MAP3K2: variants seen among roughly 807,000 people sequenced by gnomAD.
MAP3K2 encodes mitogen-activated protein kinase kinase kinase 2, also known as MAP/ERK kinase kinase 2.
A neutral mutation model predicts 80.3 loss-of-function variants in MAP3K2; 24 were observed. That is an observed-to-expected ratio of 0.30 (90% confidence interval 0.22 to 0.42). The LOEUF is 0.42. Among genes scored for constraint, MAP3K2 ranks in the 10% least tolerant of loss-of-function variants. The probability of loss-of-function intolerance (pLI) is 1.00; values close to 1 mark genes in which losing one functional copy is unlikely to be tolerated. For missense variants in MAP3K2, 608 were observed against 750.1 expected, an observed-to-expected ratio of 0.81 and a Z score of 2.21; for synonymous variants, 244 against 253.7, an observed-to-expected ratio of 0.96 and a Z score of 0.36.
At chr2:127,332,518 T>C (rs777796326) in intron 5 of MAP3K2, among the ~76,000 whole-genome samples, 21 of 152,352 alleles carry the variant, frequency 1.4e-4, no homozygotes, top group Non-Finnish European at 2.2e-4. Context: ...ACAGACCTAA[T>C]GTGATCCTGC....
At chr2:127,361,331 A>AAAAAG (rs1252315962) in intron 1 of MAP3K2, among the ~76,000 whole-genome samples, 62 of 150,012 alleles carry the variant, frequency 4.1e-4, no homozygotes, top group Middle Eastern at 3.5e-3. Context: ...AAAAAAAAAA[A>AAAAAG]AAATTAAAAG....
At chr2:127,379,474 T>C (rs1279175603) in intron 1 of MAP3K2, among the ~76,000 whole-genome samples, 2 of 152,222 alleles carry the variant, frequency 1.3e-5, no homozygotes, top group African/African-American at 4.8e-5. Flanking sequence ...CCCAAGCTCA[T>C]AATCTTAGCT....
chr2:127,320,515 G>C (rs1006235908), intron 12 of MAP3K2, among the ~76,000 whole-genome samples: 3 of 152,006 alleles, frequency 2.0e-5, no homozygotes, highest in African/African-American at 7.3e-5. Flanking sequence ...CTAGTGTATA[G>C]GTAATAGGAA....
intron 1 of MAP3K2, among the ~76,000 whole-genome samples, chr2:127,359,659 T>C (rs1442054369): frequency 6.6e-6 from 1 of 152,144 alleles, no homozygotes; most frequent in Non-Finnish European, 1.5e-5. Context: ...GGTGACTGAA[T>C]CATGAGGGTG....
chr2:127,369,490 A>G (rs1465798698), intron 1 of MAP3K2, among the ~76,000 whole-genome samples: 2 of 149,308 alleles, frequency 1.3e-5, no homozygotes, highest in Non-Finnish European at 3.0e-5. Context: ...AAAAAAAAAA[A>G]AAAAACAGCA....
rs528854137 is a variant in MAP3K2, at chr2:127,303,022, G to A, written c.*4557C>T. 39 of 152,022 alleles carry A rather than the reference G, an allele frequency of 2.6e-4. No homozygotes were observed. Among genetic ancestry groups the A allele is most frequent in the African/African-American group, 9.2e-4 (38 of 41,456 alleles). 9.4% of individuals were successfully genotyped at this position (152,022 alleles called of 1,614,324 possible). A position where few individuals can be genotyped will look rare whatever the true frequency, so the allele number is the denominator to read the frequency against. On this transcript the variant is annotated 3_prime_UTR_variant, in exon 17 of 17. Transcript: ENST00000682094. ...TGATTTTGGAAAAAATCTTCATTTT[G>A]GTGGGTAACTTGAATTATTAATATA...
intron 5 of MAP3K2, 94 bp downstream of exon 5, chr2:127,335,776 C>T: frequency 1.1e-5 from 7 of 611,764 alleles, no homozygotes; most frequent in South Asian, 5.3e-5. Context: ...TTTATCAATC[C>T]CTAAATAAAA....
chr2:127,324,256 C>T lies in MAP3K2; in HGVS notation c.678-15G>A, dbSNP rs1433246888. The T allele has an allele frequency of 6.8e-7, 1 of 1,474,242 alleles. No individual in the cohort carries two copies. The highest frequency in any genetic ancestry group is 9.2e-7 in the Non-Finnish European group (1 of 1,088,204). The allele number at this position is 1,474,242 out of a possible 1,614,324, so 91.3% of individuals were successfully genotyped here. A position where few individuals can be genotyped will look rare whatever the true frequency, so the allele number is the denominator to read the frequency against. On this transcript the variant is annotated splice_polypyrimidine_tract_variant and intron_variant, in intron 9 of 16. Coordinates refer to ENST00000682094, the MANE Select transcript of MAP3K2 (RefSeq NM_001371910.2). ...GATAGCTCTCTCTATAAAGAAAAAACATCACATTAAGTTTACAGAAAGAAC... is the reference window on the plus strand; with the variant it reads ...GATAGCTCTCTCTATAAAGAAAAAATATCACATTAAGTTTACAGAAAGAAC...
intron 14 of MAP3K2, 91 bp downstream of exon 14, chr2:127,317,538 A>G: frequency 8.9e-7 from 1 of 1,122,930 alleles, no homozygotes. Flanking sequence ...AACTAGGGTT[A>G]ACATTTTATA....
chr2:127,388,311 G>A, upstream of MAP3K2: 1 of 985,568 alleles, frequency 1.0e-6, no homozygotes, highest in Non-Finnish European at 1.2e-6. Context: ...CCCGTGAAAA[G>A]GTCTCCCACG....
intron 16 of MAP3K2, 55 bp downstream of exon 16, chr2:127,308,530 G>A: frequency 1.4e-6 from 2 of 1,443,352 alleles, no homozygotes; most frequent in South Asian, 1.4e-5. Context: ...TCAATCCCAG[G>A]TGGAAATACA....
intron 1 of MAP3K2, among the ~76,000 whole-genome samples, chr2:127,358,656 G>A (rs1337153307): frequency 6.6e-6 from 1 of 152,192 alleles, no homozygotes; most frequent in East Asian, 1.9e-4. Context: ...TCTGAGGCTG[G>A]GCACAGTAAC....
chr2:127,362,689 T>C (rs1243415780), intron 1 of MAP3K2, among the ~76,000 whole-genome samples: 2 of 150,816 alleles, frequency 1.3e-5, no homozygotes, highest in African/African-American at 4.8e-5. Flanking sequence ...CAACTGTTTA[T>C]GGACGATAAT....
chr2:127,330,891 AACTC>A (rs1686243698), intron 5 of MAP3K2, among the ~76,000 whole-genome samples: 1 of 152,174 alleles, frequency 6.6e-6, no homozygotes, highest in Admixed American at 6.6e-5. Context: ...GTATAGATGA[AACTC>A]AGTTCTTTTT....
intron 1 of MAP3K2, among the ~76,000 whole-genome samples, chr2:127,375,859 A>G (rs1687142906): frequency 6.6e-6 from 1 of 152,152 alleles, no homozygotes; most frequent in Non-Finnish European, 1.5e-5. Context: ...TAGTAACAGC[A>G]CACAATGAAC....
chr2:127,332,303 GA>G (rs1455400924), intron 5 of MAP3K2, among the ~76,000 whole-genome samples: 2 of 152,170 alleles, frequency 1.3e-5, no homozygotes, highest in African/African-American at 4.8e-5. Flanking sequence ...CATTTGAGGG[GA>G]AAATCTGAAT....
chr2:127,388,028 C>T (rs961057007), upstream of MAP3K2: 13 of 983,272 alleles, frequency 1.3e-5, no homozygotes, highest in Admixed American at 7.5e-4. Flanking sequence ...GCGCGCACCC[C>T]TCCGCCCGGC....
intron 1 of MAP3K2, among the ~76,000 whole-genome samples, chr2:127,362,742 G>A (rs1326855804): frequency 2.6e-5 from 4 of 152,128 alleles, no homozygotes; most frequent in South Asian, 2.1e-4. Flanking sequence ...CTGTAAAAAC[G>A]GAGACAACTG....
In MAP3K2 at chr2:127,306,048, T is replaced by A. The variant is rs150509950; in HGVS notation, c.*1531A>T. On this transcript the variant is annotated 3_prime_UTR_variant, in exon 17 of 17. Transcript: ENST00000682094. The surrounding 1 kb of genome is among the most constrained non-coding windows in gnomAD (Gnocchi z 4.7). ...TGTTCCTAAAATGAAGAGTTACCTA[T>A]GTGGGTGCAATATGCAGCTGGTAAA... 1 of 152,046 alleles carries A rather than the reference T, an allele frequency of 6.6e-6. No individual in the cohort carries two copies. Among genetic ancestry groups the A allele is most frequent in the African/African-American group, 2.4e-5 (1 of 41,418 alleles). 9.4% of individuals were successfully genotyped at this position (152,046 alleles called of 1,614,324 possible).
Sources: allele counts gnomAD v4.1 joint callset (sites outside exome capture counted in the v4.1 genomes callset), GRCh38; gene constraint gnomAD v4.1.1; non-coding constraint Gnocchi (gnomAD v3.1); transcripts MANE v1.5; gene names NCBI Gene and HGNC (gene_info 2026-07-23, HGNC 2026-07-21).